Variants in NSD2 observed in about 807,000 individuals in gnomAD.
NSD2 encodes the protein histone-lysine N-methyltransferase NSD2.
A neutral mutation model predicts 139.0 loss-of-function variants in NSD2; 12 were observed. The observed-to-expected ratio is 0.09, with a 90% CI of 0.06 to 0.14. The LOEUF is 0.14. Among genes scored for constraint, NSD2 ranks in the 10% least tolerant of loss-of-function variants. The pLI, the probability that NSD2 is intolerant of heterozygous loss-of-function variation, is 1.00. For synonymous variants in NSD2, 669 were observed against 648.7 expected (o/e 1.03, Z -0.48); for missense variants, 1,155 against 1,745.0 (o/e 0.66, Z 6.02).
intron 18 of NSD2, among the ~76,000 whole-genome samples, 192 bp downstream of exon 18, chr4:1,961,343 A>G (rs1458543934): frequency 6.6e-6 from 1 of 151,992 alleles, no homozygotes; most frequent in African/African-American, 2.4e-5. Context: ...AGAGCTAACC[A>G]CCTCTCAGCA....
In NSD2 at chr4:1,919,471, A is replaced by C. The variant is rs116937126; in HGVS notation, c.1410+848A>C. Reference sequence around the variant, plus strand: ...TCTGTTAGTACATAATAAAGGCTGTAAAGAACTGAAGGAGTTGGGTTCCCC... The same window carrying C: ...TCTGTTAGTACATAATAAAGGCTGTCAAGAACTGAAGGAGTTGGGTTCCCC... On this transcript the variant is annotated intron_variant, in intron 5 of 21. Coordinates refer to ENST00000508803, the MANE Select transcript of NSD2 (RefSeq NM_001042424.3). Among the ~76,000 whole-genome samples, 185 of 152,346 alleles carry C rather than the reference A, an allele frequency of 1.2e-3. 2 individuals carry two copies. In the East Asian group the frequency reaches 0.03, roughly 24 times the overall value.
intron 9 of NSD2, among the ~76,000 whole-genome samples, chr4:1,950,491 C>T (rs1724093848): frequency 6.6e-6 from 1 of 152,188 alleles, no homozygotes; most frequent in African/African-American, 2.4e-5. Context: ...AGAAGAGAAA[C>T]CGAACGGTCA....
chr4:1,923,942 C>T (rs1560659391), intron 5 of NSD2, among the ~76,000 whole-genome samples: 1 of 152,160 alleles, frequency 6.6e-6, no homozygotes, highest in South Asian at 2.1e-4. Context: ...TAACTTATCC[C>T]TTTCTCTGCG....
At chr4:1,933,229 G>A (rs556203003) in intron 6 of NSD2, among the ~76,000 whole-genome samples, 3 of 152,358 alleles carry the variant, frequency 2.0e-5, no homozygotes, top group Non-Finnish European at 4.4e-5. Flanking sequence ...GAGGCTCTGT[G>A]AATGCATTGG....
At chr4:1,890,798 A>G (rs866544350) in intron 1 of NSD2, among the ~76,000 whole-genome samples, 2 of 148,622 alleles carry the variant, frequency 1.3e-5, no homozygotes, top group African/African-American at 2.5e-5. Flanking sequence ...GGGTTTCACC[A>G]TGTTGGCCAG....
chr4:1,933,557 T>A (rs1228122853), intron 6 of NSD2, among the ~76,000 whole-genome samples: 1 of 138,334 alleles, frequency 7.2e-6, no homozygotes, highest in Non-Finnish European at 1.5e-5. Context: ...GACCAGCTAA[T>A]TTTTTTTTTT....
intron 21 of NSD2, among the ~76,000 whole-genome samples, chr4:1,977,756 C>T (rs1348844312): frequency 6.7e-6 from 1 of 149,996 alleles, no homozygotes; most frequent in Non-Finnish European, 1.5e-5. Flanking sequence ...AGCACCATTG[C>T]ACTCCAGCCT....
At chr4:1,962,936 A>T (rs1337900816) in intron 18 of NSD2, among the ~76,000 whole-genome samples, 1 of 152,168 alleles carries the variant, frequency 6.6e-6, no homozygotes, top group East Asian at 1.9e-4. Flanking sequence ...CGCACCACCC[A>T]GGGGATAAGC....
chr4:1,871,790 G>C (rs1036765363), intron 1 of NSD2, among the ~76,000 whole-genome samples: 1 of 149,538 alleles, frequency 6.7e-6, no homozygotes, highest in Non-Finnish European at 1.5e-5. Context: ...AGGGCCGGCG[G>C]GAGGACCGGG....
At chr4:1,888,620 G>A (rs1715296348) in intron 1 of NSD2, among the ~76,000 whole-genome samples, 1 of 151,778 alleles carries the variant, frequency 6.6e-6, no homozygotes, top group African/African-American at 2.4e-5. Context: ...AGGCTGGATT[G>A]CAGTGGCAAT....
chr4:1,881,867 C>CG (rs1450778422), intron 1 of NSD2, among the ~76,000 whole-genome samples: 2 of 152,020 alleles, frequency 1.3e-5, no homozygotes, highest in Non-Finnish European at 2.9e-5. Flanking sequence ...GAGAGCAGAA[C>CG]GGGGATTGGG....
intron 1 of NSD2, among the ~76,000 whole-genome samples, chr4:1,888,405 TGC>T (rs1715276488): frequency 9.7e-6 from 1 of 102,734 alleles, no homozygotes. Flanking sequence ...AGAGCGAGAT[TGC>T]CTCAAAAAAA....
At chr4:1,885,799 C>T (rs1715041134) in intron 1 of NSD2, among the ~76,000 whole-genome samples, 1 of 152,050 alleles carries the variant, frequency 6.6e-6, no homozygotes, top group Non-Finnish European at 1.5e-5. Context: ...CAGGTAGTTC[C>T]TCACTGCTCT....
At chr4:1,882,082 T>A (rs1393526178) in intron 1 of NSD2, among the ~76,000 whole-genome samples, 2 of 152,210 alleles carry the variant, frequency 1.3e-5, no homozygotes, top group Non-Finnish European at 2.9e-5. Context: ...TTCCTCAGAT[T>A]GCTCTGTAGA....
rs774143460 is a variant in NSD2, at chr4:1,959,457, C to T, written c.2986-14C>T. On this transcript the variant is annotated splice_polypyrimidine_tract_variant and intron_variant, in intron 16 of 21. Transcript: ENST00000508803. The stretch of plus-strand genomic sequence containing the variant: ...CTCATGTGTGGACCAAGACAGCTTA[C>T]TCCTTCCCTGCAGGTGAATAAGCCT... 2.2e-5 allele frequency: 36 copies of T among 1,611,144 alleles called. 1 individual carries two copies. The Admixed American group carries it at 5.8e-4, about 26-fold the overall frequency.
Position 1,976,670 on chromosome 4 carries a change from C to T in NSD2, c.3817C>T (p.Arg1273Trp), listed in dbSNP as rs1727110040. 1 of 1,580,554 alleles carries T rather than the reference C, an allele frequency of 6.3e-7. No homozygotes were observed. Residue 1273 changes from arginine to tryptophan, a missense_variant, in exon 21 of 22, where the codon CGG becomes TGG. Physicochemically the swap from Arg to Trp is moderately radical, Grantham distance 101 (BLOSUM62 -3). This residue lies in a region of NSD2 where 25 missense variants were observed against 75.1 expected (regional missense o/e 0.33). Transcript: ENST00000508803. This position sits in a 1 kb window ranked among gnomAD's most constrained non-coding sequence, Gnocchi z 5.3. ...YHLSCLGLGK[R>W]PFGKWECPWH... ...CCTGTCCTGCCTGGGCCTTGGCAAG[C>T]GGCCCTTCGGTGGGTGTGCAGCCTC...
At chr4:1,968,708 C>G (rs1233202230) in intron 18 of NSD2, among the ~76,000 whole-genome samples, 2 of 152,040 alleles carry the variant, frequency 1.3e-5, no homozygotes, top group Non-Finnish European at 2.9e-5. Flanking sequence ...CTAAGATTCA[C>G]ATTAGGGTCA....
chr4:1,912,492 T>A (rs1168284674), intron 3 of NSD2, among the ~76,000 whole-genome samples: 11 of 152,338 alleles, frequency 7.2e-5, no homozygotes, highest in Middle Eastern at 3.4e-3. Context: ...ACTGCCTTTC[T>A]TTTGAAATCA....
chr4:1,920,768 T>A (rs906369574), intron 5 of NSD2, among the ~76,000 whole-genome samples: 1 of 151,944 alleles, frequency 6.6e-6, no homozygotes, highest in South Asian at 2.1e-4. Flanking sequence ...GTGTGGCAGC[T>A]CACACCTGTC....
Sources: gnomAD v4.1 joint callset for allele counts (sites outside exome capture counted in the v4.1 genomes callset) on GRCh38, gnomAD v4.1.1 for gene constraint, gnomAD v4.1.1 regional missense constraint, Gnocchi (gnomAD v3.1) non-coding constraint, MANE v1.5 for transcripts, NCBI Gene and HGNC (gene_info 2026-07-23, HGNC 2026-07-21) for gene names.